The following SMG1 variants were observed in gnomAD, a reference collection of about 807,000 sequenced individuals.
The protein encoded by SMG1 is serine/threonine-protein kinase SMG1.
Under a neutral mutation model 419.9 loss-of-function variants are expected in SMG1, and 22 were observed. The observed-to-expected ratio is 0.05, with a 90% CI of 0.04 to 0.07. SMG1 has a LOEUF of 0.07. Ranked by LOEUF, SMG1 falls within the 10% of genes least tolerant of loss-of-function variation. The pLI is 1.00. For synonymous variants in SMG1, 1,538 were observed against 1,553.5 expected (o/e 0.99, Z 0.23); for missense variants, 3,185 against 4,342.0 (o/e 0.73, Z 7.49).
At chr16:18,924,201 C>A (rs1291785630) in intron 1 of SMG1, among the ~76,000 whole-genome samples, 1 of 152,138 alleles carries the variant, frequency 6.6e-6, no homozygotes, top group African/African-American at 2.4e-5. Flanking sequence ...AGAAATAAAG[C>A]ACTTGAAAGA....
chr16:18,879,971 T>C (rs912912954), intron 10 of SMG1, among the ~76,000 whole-genome samples: 2 of 152,234 alleles, frequency 1.3e-5, no homozygotes, highest in Non-Finnish European at 2.9e-5. Context: ...CTATTTCCCA[T>C]ATACCCAACT....
chr16:18,894,919 G>A (rs947677638), intron 3 of SMG1, among the ~76,000 whole-genome samples: 5 of 152,014 alleles, frequency 3.3e-5, no homozygotes, highest in East Asian at 1.9e-4. Flanking sequence ...CCGGGTTCAC[G>A]CCAGTCTCCT....
Position 18,811,839 on chromosome 16 carries a change from C to G in SMG1, c.10830G>C (p.Val3610=), listed in dbSNP as rs761010669. 2.5e-6 allele frequency: 4 copies of G among 1,613,902 alleles called. No individual in the cohort carries two copies. Among genetic ancestry groups the G allele is most frequent in the Non-Finnish European group, 3.4e-6 (4 of 1,179,896 alleles). The change falls in exon 62 of 63, where the codon GTG becomes GTC. Residue 3610 remains valine (V), a synonymous_variant. Transcript: ENST00000446231. ...TGGCTTTCACTCTCTTCCACACACT[C>G]ACTGCATAGGAGTTTCTCTCTTGCA... ...KAVQERNSYA[V]SVWKRVKAKL...
intron 26 of SMG1, among the ~76,000 whole-genome samples, chr16:18,859,917 G>A (rs2035123197): frequency 6.6e-6 from 1 of 152,008 alleles, no homozygotes; most frequent in Non-Finnish European, 1.5e-5. Flanking sequence ...GCCTTCAAAG[G>A]CCAAAAATCA....
intron 13 of SMG1, among the ~76,000 whole-genome samples, chr16:18,873,694 A>G (rs1340471591): frequency 6.6e-6 from 1 of 152,232 alleles, no homozygotes; most frequent in Non-Finnish European, 1.5e-5. Flanking sequence ...AGCCCTCTGT[A>G]TGTGCCTTTT....
At chr16:18,855,952 C>T (rs998288256) in intron 29 of SMG1, among the ~76,000 whole-genome samples, 12 of 152,182 alleles carry the variant, frequency 7.9e-5, no homozygotes, top group African/African-American at 2.9e-4. Context: ...ATTCCAATCT[C>T]AATCTCATCC....
At chr16:18,817,120 G>GT (rs1328118257) in intron 57 of SMG1, among the ~76,000 whole-genome samples, 171 bp downstream of exon 57, 1 of 6,458 alleles carries the variant, frequency 1.5e-4, no homozygotes, top group African/African-American at 1.8e-4. Context: ...TTTCGGGGCG[G>GT]GGGGGGGGGC....
At chr16:18,924,222 A>G (rs1293989456) in intron 1 of SMG1, among the ~76,000 whole-genome samples, 1 of 152,152 alleles carries the variant, frequency 6.6e-6, no homozygotes, top group Non-Finnish European at 1.5e-5. Flanking sequence ...AACAACATGG[A>G]TAATATTTAT....
intron 1 of SMG1, among the ~76,000 whole-genome samples, chr16:18,917,675 T>C (rs2038030629): frequency 2.0e-5 from 3 of 151,054 alleles, no homozygotes; most frequent in Admixed American, 6.6e-5. Context: ...CCTCCTAGGT[T>C]CCAGCAATTC....
At chr16:18,856,882 A>C (rs1330835141) in intron 29 of SMG1, 3 of 148,708 alleles carry the variant, frequency 2.0e-5, no homozygotes, top group South Asian at 2.1e-4. Context: ...AAAAAAAAAA[A>C]CAGGACTGGA....
intron 1 of SMG1, 116 bp downstream of exon 1, chr16:18,925,834 C>G (rs1383993023): frequency 2.6e-6 from 2 of 767,676 alleles, no homozygotes; most frequent in Non-Finnish European, 3.8e-6. Flanking sequence ...GAAGCCGCGC[C>G]CGGCTCCGAG....
chr16:18,847,530 T>G lies in SMG1; in HGVS notation c.5919A>C (p.Gln1973His), dbSNP rs372198549. The change falls in exon 38 of 63, where the codon CAA becomes CAC. Residue 1973 changes from glutamine to histidine, a missense_variant. Physicochemically the swap from Gln to His is conservative, Grantham distance 24 (BLOSUM62 0). Transcript: ENST00000446231. ...GAATTCGTCTCAGGACATACATGTGTTGTTGCAGCAAAACTCCCAGCCAGA... is the reference window on the plus strand; with the variant it reads ...GAATTCGTCTCAGGACATACATGTGGTGTTGCAGCAAAACTCCCAGCCAGA... ...DELWLGVLLQQHMYVLRRIQQ... is the reference protein window; with the variant it reads ...DELWLGVLLQHHMYVLRRIQQ... The G allele has an allele frequency of 4.3e-6, 7 of 1,614,032 alleles. No homozygotes were observed. Among genetic ancestry groups the G allele is most frequent in the Non-Finnish European group, 5.9e-6 (7 of 1,179,902 alleles).
intron 1 of SMG1, 167 bp downstream of exon 1, chr16:18,925,783 C>T (rs2038374362): frequency 2.0e-6 from 1 of 501,072 alleles, no homozygotes; most frequent in Non-Finnish European, 3.4e-6. Context: ...GCCTCGCCTC[C>T]CCGCGGCCTT....
In SMG1 at chr16:18,849,971, T is replaced by C. The variant is rs1307261582; in HGVS notation, c.5439A>G (p.Thr1813=). 1 of 1,613,838 alleles carries C rather than the reference T, an allele frequency of 6.2e-7. No individual in the cohort carries two copies. Among genetic ancestry groups the C allele is most frequent in the Non-Finnish European group, 8.5e-7 (1 of 1,179,878 alleles). ...CACCTCTCCATGGTGCAGTGGGTGT[T>C]GTCTCCAAGCCGTGCTCCAGATACT... ...LRQYLEHGLE[T]TPTAPWRGII... The change falls in exon 35 of 63, where the codon ACA becomes ACG. Residue 1813 remains threonine (T), a synonymous_variant. Transcript: ENST00000446231.
rs1475439956 is a variant in SMG1, at chr16:18,861,884, C to T, written c.3696-1108G>A. On this transcript the variant is annotated intron_variant, in intron 25 of 62. Coordinates refer to ENST00000446231, the MANE Select transcript of SMG1 (RefSeq NM_015092.5). The stretch of plus-strand genomic sequence containing the variant: ...AAAATTCTGTCTATAGCAACTTTGA[C>T]TGCTTTCCTTGAGGCAGAGAAAAGG... Among the ~76,000 whole-genome samples, 3 of 152,192 alleles carry T rather than the reference C, an allele frequency of 2.0e-5. No individual in the cohort carries two copies. In the South Asian group the frequency reaches 6.2e-4, roughly 32 times the overall value.
intron 8 of SMG1, 76 bp downstream of exon 8, chr16:18,885,014 T>A: frequency 1.5e-6 from 1 of 655,026 alleles, no homozygotes; most frequent in Non-Finnish European, 2.7e-6. Context: ...AGAAATGGTA[T>A]TGATAGATGG....
At chr16:18,835,459 G>A (rs904192121) in intron 48 of SMG1, among the ~76,000 whole-genome samples, 2 of 152,066 alleles carry the variant, frequency 1.3e-5, no homozygotes, top group African/African-American at 4.8e-5. Flanking sequence ...GGGCAACACG[G>A]CGAAACTCCA....
At chr16:18,842,917 C>A (rs1214401107) in intron 39 of SMG1, among the ~76,000 whole-genome samples, 2 of 152,208 alleles carry the variant, frequency 1.3e-5, no homozygotes, top group African/African-American at 4.8e-5. Context: ...GGATCTGGGC[C>A]ATCCTGGATG....
intron 27 of SMG1, 168 bp downstream of exon 27, chr16:18,859,388 T>A (rs2035090042): frequency 4.1e-6 from 3 of 723,992 alleles, no homozygotes; most frequent in Non-Finnish European, 6.7e-6. Context: ...AACCTCAGTT[T>A]ATGTTGGCAA....
Sources: allele counts gnomAD v4.1 joint callset (sites outside exome capture counted in the v4.1 genomes callset), GRCh38; gene constraint gnomAD v4.1.1; transcripts MANE v1.5; gene names NCBI Gene and HGNC (gene_info 2026-07-23, HGNC 2026-07-21).